Variants in UTRN observed in about 807,000 individuals in gnomAD.
UTRN encodes utrophin, also known as dystrophin-related protein 1.
A neutral mutation model predicts 463.9 loss-of-function variants in UTRN; 283 were observed. The ratio of observed to expected loss-of-function variants is 0.61; its 90% CI spans 0.55 to 0.67. The LOEUF is 0.67. Ranked by LOEUF, UTRN falls within the 30% of genes least tolerant of loss-of-function variation. The pLI is 0.00. For missense variants in UTRN, 3,922 were observed against 4,084.3 expected, an observed-to-expected ratio of 0.96 and a Z score of 1.08; for synonymous variants, 1,442 against 1,431.5, an observed-to-expected ratio of 1.01 and a Z score of -0.17.
At chr6:144,491,184 TGTC>T in intron 32 of UTRN, 82 bp downstream of exon 32, 1 of 1,338,338 alleles carries the variant, frequency 7.5e-7, no homozygotes. Context: ...ATGCCTAGTG[TGTC>T]CAGTGATCAC....
chr6:144,770,747 G>A (rs1793920256), intron 58 of UTRN, among the ~76,000 whole-genome samples: 1 of 152,148 alleles, frequency 6.6e-6, no homozygotes, highest in Admixed American at 6.5e-5. Context: ...CTTTTAAAGT[G>A]AAGAACATGA....
chr6:144,322,585 A>G (rs1775727671), intron 2 of UTRN, among the ~76,000 whole-genome samples: 1 of 152,228 alleles, frequency 6.6e-6, no homozygotes. Context: ...AATATCTTCC[A>G]CACAGGGACT....
intron 65 of UTRN, among the ~76,000 whole-genome samples, chr6:144,820,031 G>A (rs1039693989): frequency 2.0e-5 from 3 of 151,914 alleles, no homozygotes; most frequent in African/African-American, 4.8e-5. Flanking sequence ...TTCTGTGCAG[G>A]TAATGTAAAT....
Position 144,793,913 on chromosome 6 carries a change from G to C in UTRN, c.9000G>C (p.Gln3000His). The C allele has an allele frequency of 6.2e-7, 1 of 1,614,130 alleles. No homozygotes were observed. Among genetic ancestry groups the C allele is most frequent in the South Asian group, 1.1e-5 (1 of 91,076 alleles). ...QLGLLLHDAI[Q>H]IPRQLGEVAA... The stretch of plus-strand genomic sequence containing the variant: ...GCCTGTTACTTCATGATGCCATCCA[G>C]ATCCCCCGGCAGCTAGGTGAAGTAG... Residue 3000 changes from glutamine to histidine, a missense_variant, in exon 63 of 75, where the codon CAG becomes CAC. By Grantham distance (24) the Gln-to-His change is conservative (BLOSUM62 0). This residue lies in a region of UTRN where 1,309 missense variants were observed against 1,452.6 expected (regional missense o/e 0.90). Coordinates refer to ENST00000367545, the MANE Select transcript of UTRN (RefSeq NM_007124.3).
In UTRN at chr6:144,840,763, C is replaced by A; in HGVS notation, c.10201C>A (p.Pro3401Thr). ...QAAGEDLLAP[P>T]HDTSTDLTEV... is the part of the protein sequence containing the mutation. ...AGCGGGAGAGGACCTGCTGGCCCCACCGCACGACACCAGCACGGATCTCAC... is the reference window on the plus strand; with the variant it reads ...AGCGGGAGAGGACCTGCTGGCCCCAACGCACGACACCAGCACGGATCTCAC... Residue 3401 changes from proline to threonine, a missense_variant, in exon 73 of 75, where the codon CCG becomes ACG. Coordinates refer to ENST00000367545, the MANE Select transcript of UTRN (RefSeq NM_007124.3). The A allele has an allele frequency of 6.2e-7, 1 of 1,614,026 alleles. No homozygotes were observed. Among genetic ancestry groups the A allele is most frequent in the South Asian group, 1.1e-5 (1 of 91,074 alleles).
chr6:144,387,526 T>C (rs1270323801), intron 2 of UTRN, among the ~76,000 whole-genome samples: 1 of 152,204 alleles, frequency 6.6e-6, no homozygotes, highest in Non-Finnish European at 1.5e-5. Flanking sequence ...AGCTCCCTCT[T>C]CCACGGTGTT....
chr6:144,305,470 A>G (rs1276949620), intron 2 of UTRN, among the ~76,000 whole-genome samples: 1 of 152,260 alleles, frequency 6.6e-6, no homozygotes, highest in African/African-American at 2.4e-5. Context: ...ATCTTAAATT[A>G]ATATGAAATA....
chr6:144,512,074 C>A lies in UTRN; in HGVS notation c.4944+951C>A, dbSNP rs1311359503. Reference sequence around the variant, plus strand: ...TCTCTAACAGATTTATATCCACAGTCCATGACTTATTATCTGTTTAACTTT... The same window carrying A: ...TCTCTAACAGATTTATATCCACAGTACATGACTTATTATCTGTTTAACTTT... On this transcript the variant is annotated intron_variant, in intron 35 of 74. Transcript: ENST00000367545. Among the ~76,000 whole-genome samples the A allele has an allele frequency of 2.6e-5, 4 of 152,178 alleles. No individual in the cohort carries two copies. In the East Asian group the frequency reaches 7.7e-4, roughly 29 times the overall value.
intron 52 of UTRN, among the ~76,000 whole-genome samples, chr6:144,683,364 AC>A (rs896611537): frequency 1.2e-4 from 18 of 152,064 alleles, no homozygotes; most frequent in Admixed American, 2.0e-4. Flanking sequence ...CTTTGCAGGG[AC>A]TGTTTCAGGG....
chr6:144,461,655 C>T (rs769683478), intron 22 of UTRN, among the ~76,000 whole-genome samples: 1 of 152,138 alleles, frequency 6.6e-6, no homozygotes, highest in African/African-American at 2.4e-5. Flanking sequence ...TTGATGTATA[C>T]TTTTTTCTGC....
intron 51 of UTRN, among the ~76,000 whole-genome samples, chr6:144,601,728 T>A (rs1804272748): frequency 6.6e-6 from 1 of 152,208 alleles, no homozygotes; most frequent in Non-Finnish European, 1.5e-5. Flanking sequence ...CAAATCCAGT[T>A]GTGAAACAAG....
chr6:144,387,676 A>C (rs1047129175), intron 2 of UTRN, among the ~76,000 whole-genome samples: 1 of 152,178 alleles, frequency 6.6e-6, no homozygotes, highest in African/African-American at 2.4e-5. Flanking sequence ...GCAGGTGCAA[A>C]TAAAGCAATG....
intron 9 of UTRN, among the ~76,000 whole-genome samples, chr6:144,433,112 G>A (rs374704257): frequency 3.3e-5 from 5 of 151,970 alleles, no homozygotes; most frequent in South Asian, 2.1e-4. Context: ...GCAACCATCC[G>A]ATTTCTCAAT....
At chr6:144,565,391 A>C (rs1327727507) in intron 50 of UTRN, among the ~76,000 whole-genome samples, 3 of 152,186 alleles carry the variant, frequency 2.0e-5, no homozygotes, top group Non-Finnish European at 2.9e-5. Flanking sequence ...ATGAATTGAG[A>C]GTTCTCAGCA....
At position 144,349,207 on chromosome 6, in the gene UTRN, C is replaced by A. The variant is rs191491353; in HGVS notation, c.80-53916C>A. 6.1e-3 allele frequency among the ~76,000 whole-genome samples: 929 copies of A among 152,154 alleles called. 3 individuals carry two copies. The highest frequency in any genetic ancestry group is 0.01 in the Non-Finnish European group (702 of 67,976). ...GTATTTTTAGTAGAGACGGGGTTTC[C>A]CCGTGTTAGCCAGGATGGTCTGGAT... On this transcript the variant is annotated intron_variant, in intron 2 of 74. Transcript: ENST00000367545.
intron 73 of UTRN, among the ~76,000 whole-genome samples, chr6:144,844,871 T>G (rs1234655173): frequency 6.6e-6 from 1 of 152,198 alleles, no homozygotes; most frequent in Non-Finnish European, 1.5e-5. Flanking sequence ...AATGAATTGA[T>G]CTTCATGTTA....
chr6:144,820,913 C>G lies in UTRN; in HGVS notation c.9389C>G (p.Thr3130Arg). ...TTSGEDVRDF[T>R]KVLKNKFRSK... Reference sequence around the variant, plus strand: ...TCTGGGGAAGATGTACGAGACTTCACAAAGGTACTTAAGAACAAGTTCAGG... The same window carrying G: ...TCTGGGGAAGATGTACGAGACTTCAGAAAGGTACTTAAGAACAAGTTCAGG... The change falls in exon 66 of 75, where the codon ACA (threonine) becomes AGA (arginine). Residue 3130 changes from threonine (T) to arginine (R), a missense_variant. Around this residue, in one of 3 missense-constraint regions of UTRN, gnomAD observed 1,309 missense variants for 1,452.6 expected, o/e 0.90. Coordinates refer to ENST00000367545, the MANE Select transcript of UTRN (RefSeq NM_007124.3). 6.2e-7 allele frequency: 1 copy of G among 1,613,814 alleles called. No homozygotes were observed.
intron 54 of UTRN, among the ~76,000 whole-genome samples, chr6:144,731,108 A>C (rs1253108657): frequency 6.6e-6 from 1 of 150,978 alleles, no homozygotes; most frequent in Non-Finnish European, 1.5e-5. Flanking sequence ...AATAGTAAAT[A>C]TATAAAATAT....
At chr6:144,525,968 C>T (rs1002555538) in intron 41 of UTRN, among the ~76,000 whole-genome samples, 2 of 152,058 alleles carry the variant, frequency 1.3e-5, no homozygotes, top group East Asian at 1.9e-4. Flanking sequence ...CAGGTTATTT[C>T]GTTTCCATAT....
Sources: allele counts gnomAD v4.1 joint callset (sites outside exome capture counted in the v4.1 genomes callset), GRCh38; gene constraint gnomAD v4.1.1; regional missense constraint gnomAD v4.1.1; transcripts MANE v1.5; gene names NCBI Gene and HGNC (gene_info 2026-07-23, HGNC 2026-07-21).